Variants in STXBP5L observed in about 807,000 individuals in gnomAD.
STXBP5L encodes syntaxin-binding protein 5-like.
A neutral mutation model predicts 144.5 loss-of-function variants in STXBP5L; 65 were observed. The observed-to-expected ratio is 0.45, with a 90% CI of 0.37 to 0.55. The LOEUF is 0.55. STXBP5L is among the 20% of genes least tolerant of loss of function. The pLI is 0.00. For synonymous variants in STXBP5L, 505 were observed against 469.6 expected (o/e 1.08, Z -0.97); for missense variants, 1,298 against 1,405.5 (o/e 0.92, Z 1.22).
In STXBP5L at chr3:120,938,165, A is replaced by T. The variant is rs140550093; in HGVS notation, c.190-16775A>T. Reference sequence around the variant, plus strand: ...GATGTTTTTCTATGTTTATGATTACATGTAAAAAGTTTTTATATAAAAATG... The same window carrying T: ...GATGTTTTTCTATGTTTATGATTACTTGTAAAAAGTTTTTATATAAAAATG... On this transcript the variant is annotated intron_variant, in intron 2 of 26. Transcript: ENST00000471454. Among the ~76,000 whole-genome samples the T allele has an allele frequency of 3.7e-3, 558 of 152,228 alleles. 6 individuals carry two copies. Among genetic ancestry groups the T allele is most frequent in the African/African-American group, 0.011 (472 of 41,570 alleles).
intron 9 of STXBP5L, among the ~76,000 whole-genome samples, chr3:121,189,457 A>G (rs1173344768): frequency 1.3e-5 from 2 of 152,224 alleles, no homozygotes; most frequent in African/African-American, 2.4e-5. Context: ...CAGATTCCCC[A>G]GCACCATTTA....
chr3:121,078,638 T>C (rs796373527), intron 5 of STXBP5L, among the ~76,000 whole-genome samples: 9 of 152,314 alleles, frequency 5.9e-5, no homozygotes, highest in African/African-American at 2.2e-4. Flanking sequence ...TGGGGGAGGC[T>C]CAGGCATGGC....
chr3:121,172,827 T>C (rs545812538), intron 9 of STXBP5L, among the ~76,000 whole-genome samples: 15 of 152,354 alleles, frequency 9.8e-5, no homozygotes, highest in African/African-American at 3.6e-4. Flanking sequence ...ATCCCATTAC[T>C]GGGTGTATAC....
chr3:120,909,614 C>T lies in STXBP5L; in HGVS notation c.36C>T (p.Gly12=), dbSNP rs895940250. ...TTAATTTCCGAAAAGTTTTGGATGGCTTAACTGCCTCCTCCCCTGGCAGTG... is the reference window on the plus strand; with the variant it reads ...TTAATTTCCGAAAAGTTTTGGATGGTTTAACTGCCTCCTCCCCTGGCAGTG... ...KKFNFRKVLD[G]LTASSPGSGS... is the part of the protein sequence containing the mutation. The change falls in exon 2 of 27, where the codon GGC becomes GGT. Residue 12 remains glycine, a synonymous_variant. Coordinates refer to ENST00000471454, the MANE Select transcript of STXBP5L (RefSeq NM_001308330.2). 6.2e-7 allele frequency: 1 copy of T among 1,613,364 alleles called. No homozygotes were observed. Among genetic ancestry groups the T allele is most frequent in the Non-Finnish European group, 8.5e-7 (1 of 1,179,736 alleles).
intron 3 of STXBP5L, among the ~76,000 whole-genome samples, chr3:120,959,623 AC>A (rs1938505461): frequency 6.6e-6 from 1 of 152,230 alleles, no homozygotes; most frequent in South Asian, 2.1e-4. Flanking sequence ...CTGATCTTTG[AC>A]AAATCTGACA....
chr3:121,143,692 TAC>T (rs1311159996), intron 7 of STXBP5L, among the ~76,000 whole-genome samples: 1 of 151,836 alleles, frequency 6.6e-6, no homozygotes, highest in African/African-American at 2.4e-5. Context: ...GTGCCAAGAA[TAC>T]ACAGTGTAGA....
At chr3:121,307,954 T>C (rs919721075) in intron 19 of STXBP5L, among the ~76,000 whole-genome samples, 6 of 152,110 alleles carry the variant, frequency 3.9e-5, no homozygotes, top group African/African-American at 1.4e-4. Flanking sequence ...AAATGACTTG[T>C]CACATACATG....
chr3:120,921,868 G>T (rs1177307565), intron 2 of STXBP5L, among the ~76,000 whole-genome samples: 1 of 151,598 alleles, frequency 6.6e-6, no homozygotes, highest in Non-Finnish European at 1.5e-5. Context: ...GTTACTTTAG[G>T]TCTGTAGTAT....
intron 20 of STXBP5L, among the ~76,000 whole-genome samples, chr3:121,336,505 G>GCCAA (rs973345216): frequency 7.9e-5 from 12 of 151,540 alleles, no homozygotes; most frequent in African/African-American, 2.4e-4. Flanking sequence ...AAAAAAACCA[G>GCCAA]CCAACCAACC....
At chr3:120,973,642 A>G (rs772598053) in intron 3 of STXBP5L, among the ~76,000 whole-genome samples, 4 of 152,016 alleles carry the variant, frequency 2.6e-5, no homozygotes, top group Non-Finnish European at 5.9e-5. Context: ...TGCTGCACCC[A>G]TTAACTTGTC....
chr3:120,941,354 A>G (rs1271287799), intron 2 of STXBP5L, among the ~76,000 whole-genome samples: 1 of 151,760 alleles, frequency 6.6e-6, no homozygotes, highest in African/African-American at 2.4e-5. Flanking sequence ...TGGCAATTAT[A>G]TAACTGCATA....
At chr3:121,173,323 T>TATTATAATAATAATA (rs1553725474) in intron 9 of STXBP5L, among the ~76,000 whole-genome samples, 4 of 146,524 alleles carry the variant, frequency 2.7e-5, no homozygotes, top group African/African-American at 9.9e-5. Flanking sequence ...GAACTTAAAA[T>TATTATAATAATAATA]ATAATAATAA....
chr3:121,352,276 G>A (rs140047393), intron 20 of STXBP5L, among the ~76,000 whole-genome samples: 1,713 of 152,232 alleles, frequency 0.011, 26 homozygotes, highest in Non-Finnish European at 0.018. Context: ...ACCTTGGGCA[G>A]TATGGCCATT....
chr3:121,348,207 G>C (rs2045091170), intron 20 of STXBP5L, among the ~76,000 whole-genome samples: 1 of 152,130 alleles, frequency 6.6e-6, no homozygotes, highest in Admixed American at 6.5e-5. Flanking sequence ...TGCATCTATT[G>C]AGATAATCAT....
At position 121,200,198 on chromosome 3, in the gene STXBP5L, G is replaced by A. The variant is rs143710537; in HGVS notation, c.878-5725G>A. On this transcript the variant is annotated intron_variant, in intron 9 of 26. Transcript: ENST00000471454. ...ACATTCCAGGATTTAACTTCTTCCT[G>A]TTTTAGTCTTGGGAGGGTGTATGTG... Among the ~76,000 whole-genome samples the A allele has an allele frequency of 1.8e-4, 28 of 152,190 alleles. No individual in the cohort carries two copies. In the East Asian group the frequency reaches 5.4e-3, roughly 29 times the overall value.
chr3:121,248,117 G>A (rs534363443), intron 14 of STXBP5L, among the ~76,000 whole-genome samples: 2 of 152,156 alleles, frequency 1.3e-5, no homozygotes, highest in East Asian at 3.9e-4. Context: ...TGGCTGGAGT[G>A]CAGTGGCACA....
intron 7 of STXBP5L, among the ~76,000 whole-genome samples, chr3:121,136,618 C>A (rs569329721): frequency 6.6e-6 from 1 of 152,272 alleles, no homozygotes; most frequent in African/African-American, 2.4e-5. Context: ...AACACTTGTA[C>A]ACTGCTGGTG....
chr3:121,309,170 G>C (rs1040580977), intron 19 of STXBP5L, among the ~76,000 whole-genome samples: 1 of 151,960 alleles, frequency 6.6e-6, no homozygotes, highest in African/African-American at 2.4e-5. Context: ...AATATTAAAT[G>C]TTAAGTGATT....
intron 5 of STXBP5L, among the ~76,000 whole-genome samples, chr3:121,091,889 T>C (rs1181485532): frequency 6.6e-6 from 1 of 152,232 alleles, no homozygotes; most frequent in African/African-American, 2.4e-5. Context: ...GGTTTTCTTC[T>C]AGGATCTTTA....
Sources: gnomAD v4.1 joint callset for allele counts (sites outside exome capture counted in the v4.1 genomes callset) on GRCh38, gnomAD v4.1.1 for gene constraint, MANE v1.5 for transcripts, NCBI Gene and HGNC (gene_info 2026-07-23, HGNC 2026-07-21) for gene names.